The following ARGLU1 variants were observed in gnomAD, a reference collection of about 807,000 sequenced individuals.
ARGLU1 encodes the protein arginine and glutamate rich 1.
In ARGLU1, 9 loss-of-function variants were observed where a neutral mutation model predicts 37.6. The observed-to-expected ratio is 0.24, with a 90% CI of 0.14 to 0.42. The LOEUF (loss-of-function observed/expected upper bound fraction) is 0.42, where lower values mean the gene tolerates loss of function less well. ARGLU1 is among the 10% of genes least tolerant of loss of function. ARGLU1 has a pLI of 1.00. For missense variants in ARGLU1, 211 were observed against 359.2 expected (o/e 0.59, Z 3.34); for synonymous variants, 166 against 138.5 (o/e 1.20, Z -1.39).
Position 106,567,557 on chromosome 13 carries a change from C to A in ARGLU1, c.347+16G>T, listed in dbSNP as rs775222229. On this transcript the variant is annotated intron_variant, in intron 1 of 3. Coordinates refer to ENST00000400198, the MANE Select transcript of ARGLU1 (RefSeq NM_018011.4). This position sits in a 1 kb window ranked among gnomAD's most constrained non-coding sequence, Gnocchi z 4.3. ...GCTCTCCGCACGCCCCGGTCCCTCC[C>A]CGCGCGGGCACTCACATTTTTCGCT... 9 of 1,569,356 alleles carry A rather than the reference C, an allele frequency of 5.7e-6. No individual in the cohort carries two copies. Among genetic ancestry groups the A allele is most frequent in the Non-Finnish European group, 7.9e-6 (9 of 1,139,706 alleles).
intron 2 of ARGLU1, chr13:106,558,972 C>T: frequency 1.0e-6 from 1 of 985,400 alleles, no homozygotes; most frequent in Non-Finnish European, 1.2e-6. Context: ...TTTATCAAAG[C>T]AGGTGCTATC....
At chr13:106,559,307 A>C in intron 2 of ARGLU1, 125 bp downstream of exon 2, 1 of 1,543,782 alleles carries the variant, frequency 6.5e-7, no homozygotes, top group Non-Finnish European at 8.7e-7. Flanking sequence ...AGCAATGTTA[A>C]GTTTAGACGA....
chr13:106,559,061 T>C (rs778518555), intron 2 of ARGLU1: 12 of 1,209,630 alleles, frequency 9.9e-6, no homozygotes, highest in South Asian at 4.7e-5. Context: ...AGTGACAGAA[T>C]AGAAGAATAT....
chr13:106,567,635 C>T lies in ARGLU1; in HGVS notation c.285G>A (p.Leu95=), dbSNP rs1466796936. ...FGRTVSKRSS[L]DEKQKREEEE... is the part of the protein sequence containing the mutation. ...CCTCCTCTCGCTTCTGCTTCTCGTC[C>T]AGGCTGCTGCGCTTGCTCACCGTGC... The change falls in exon 1 of 4, where the codon CTG becomes CTA. Residue 95 remains leucine, a synonymous_variant. Transcript: ENST00000400198. The surrounding 1 kb of genome is among the most constrained non-coding windows in gnomAD (Gnocchi z 4.3). 1 of 1,613,640 alleles carries T rather than the reference C, an allele frequency of 6.2e-7. No homozygotes were observed.
chr13:106,545,888 C>T (rs80060659), intron 3 of ARGLU1, among the ~76,000 whole-genome samples: 1,794 of 152,284 alleles, frequency 0.012, 31 homozygotes, highest in African/African-American at 0.04. Flanking sequence ...CTCTCTAAAA[C>T]CTTTTTCCTA....
chr13:106,557,225 G>T lies in ARGLU1; in HGVS notation c.574-94C>A. The T allele has an allele frequency of 9.2e-7, 1 of 1,088,250 alleles. No homozygotes were observed. Among genetic ancestry groups the T allele is most frequent in the Non-Finnish European group, 1.4e-6 (1 of 735,698 alleles). 67.4% of individuals were successfully genotyped at this position (1,088,250 alleles called of 1,614,324 possible). ...ATCTTCCTCTGAACTTTTTTGATAT[G>T]ACTTACAGGGTAGCTTTATAGCTAC... On this transcript the variant is annotated intron_variant, in intron 2 of 3. Transcript: ENST00000400198. The surrounding 1 kb of genome is among the most constrained non-coding windows in gnomAD (Gnocchi z 5.0).
At chr13:106,551,660 TGAAA>T (rs1880533403) in intron 3 of ARGLU1, among the ~76,000 whole-genome samples, 2 of 152,204 alleles carry the variant, frequency 1.3e-5, no homozygotes, top group Admixed American at 6.5e-5. Flanking sequence ...ATCACTGGGC[TGAAA>T]GCAAGGTGTC....
At position 106,567,326 on chromosome 13, in the gene ARGLU1, A is replaced by AC. The variant is rs1880996947; in HGVS notation, c.347+246_347+247insG. Among the ~76,000 whole-genome samples the AC allele has an allele frequency of 9.7e-6, 1 of 103,096 alleles. No individual in the cohort carries two copies. The highest frequency in any genetic ancestry group is 4.0e-5 in the African/African-American group (1 of 25,238). 67.6% of individuals were successfully genotyped at this position (103,096 alleles called of 152,430 possible). ...CTCGCGCCAAAATCGCCTTCTCTTA[A>AC]ACCCTTTCTGCTCAAGCCCTCGAAT... On this transcript the variant is annotated intron_variant, in intron 1 of 3. Transcript: ENST00000400198. This position sits in a 1 kb window ranked among gnomAD's most constrained non-coding sequence, Gnocchi z 4.3.
rs1880291781 is a variant in ARGLU1 at position 106,542,696 on chromosome 13, T to C, written c.*1300A>G. The C allele has an allele frequency of 6.6e-6, 1 of 152,086 alleles. No individual in the cohort carries two copies. Among genetic ancestry groups the C allele is most frequent in the African/African-American group, 2.4e-5 (1 of 41,428 alleles). 9.4% of individuals were successfully genotyped at this position (152,086 alleles called of 1,614,324 possible). A position where few individuals can be genotyped will look rare whatever the true frequency, so the allele number is the denominator to read the frequency against. On this transcript the variant is annotated 3_prime_UTR_variant, in exon 4 of 4. Transcript: ENST00000400198. ...CTACTTGATGACATGTTTATGCATC[T>C]CAGGTAGCATTTTAGATCAATATCC...
intron 1 of ARGLU1, among the ~76,000 whole-genome samples, chr13:106,561,247 C>T (rs1200603621): frequency 6.6e-6 from 1 of 152,206 alleles, no homozygotes; most frequent in East Asian, 1.9e-4. Context: ...CAGACAGCAA[C>T]TTCAATAGAA....
chr13:106,549,041 G>A (rs1880467463), intron 3 of ARGLU1, among the ~76,000 whole-genome samples: 1 of 152,178 alleles, frequency 6.6e-6, no homozygotes, highest in Admixed American at 6.5e-5. Context: ...GTGAGCCACT[G>A]TGCCCGGCCT....
intron 1 of ARGLU1, among the ~76,000 whole-genome samples, chr13:106,562,974 G>C (rs1880853266): frequency 1.7e-5 from 2 of 119,492 alleles, no homozygotes; most frequent in East Asian, 2.6e-4. Flanking sequence ...CTGGGCGACA[G>C]AGCAAGACCC....
At chr13:106,547,915 C>T (rs907297657) in intron 3 of ARGLU1, among the ~76,000 whole-genome samples, 1 of 152,098 alleles carries the variant, frequency 6.6e-6, no homozygotes, top group African/African-American at 2.4e-5. Flanking sequence ...TAATTCTGCA[C>T]TTTAGATTGG....
At chr13:106,550,133 G>C (rs753838609) in intron 3 of ARGLU1, among the ~76,000 whole-genome samples, 1 of 152,120 alleles carries the variant, frequency 6.6e-6, no homozygotes, top group Admixed American at 6.6e-5. Flanking sequence ...ATTACATCAG[G>C]AGTGTCTTTT....
At chr13:106,552,150 T>C (rs1365445143) in intron 3 of ARGLU1, among the ~76,000 whole-genome samples, 2 of 152,238 alleles carry the variant, frequency 1.3e-5, no homozygotes, top group East Asian at 1.9e-4. Flanking sequence ...ACATTTGATA[T>C]ATAAGCAACT....
At chr13:106,547,915 C>G (rs907297657) in intron 3 of ARGLU1, among the ~76,000 whole-genome samples, 14 of 152,098 alleles carry the variant, frequency 9.2e-5, no homozygotes, top group Non-Finnish European at 1.5e-4. Flanking sequence ...TAATTCTGCA[C>G]TTTAGATTGG....
intron 3 of ARGLU1, among the ~76,000 whole-genome samples, chr13:106,548,954 T>G (rs1880463936): frequency 6.6e-6 from 1 of 152,190 alleles, no homozygotes; most frequent in South Asian, 2.1e-4. Context: ...AGTTTCATCT[T>G]GTTAGCCAGG....
chr13:106,562,530 T>G (rs2138975560), intron 1 of ARGLU1, among the ~76,000 whole-genome samples: 1 of 152,308 alleles, frequency 6.6e-6, no homozygotes, highest in Non-Finnish European at 1.5e-5. Context: ...GTTGTCACCC[T>G]CATGATGTTC....
chr13:106,546,084 T>C (rs1246818548), intron 3 of ARGLU1, among the ~76,000 whole-genome samples: 1 of 152,236 alleles, frequency 6.6e-6, no homozygotes, highest in Non-Finnish European at 1.5e-5. Context: ...TCAGTCAAGT[T>C]TGTTACTTCT....
Sources: gnomAD v4.1 joint callset for allele counts (sites outside exome capture counted in the v4.1 genomes callset) on GRCh38, gnomAD v4.1.1 for gene constraint, Gnocchi (gnomAD v3.1) non-coding constraint, MANE v1.5 for transcripts, NCBI Gene and HGNC (gene_info 2026-07-23, HGNC 2026-07-21) for gene names.